DNAJC8: variants seen among roughly 807,000 people sequenced by gnomAD.
DNAJC8 encodes the protein dnaJ homolog subfamily C member 8.
In DNAJC8, 24 loss-of-function variants were observed where a neutral mutation model predicts 43.2. The observed-to-expected ratio is 0.56, with a 90% CI of 0.40 to 0.78. DNAJC8 has a LOEUF of 0.78. Among genes scored for constraint, DNAJC8 ranks in the 30% least tolerant of loss-of-function variants. DNAJC8 has a pLI of 0.00. For synonymous variants in DNAJC8, 83 were observed against 98.0 expected, an observed-to-expected ratio of 0.85 and a Z score of 0.90; for missense variants, 207 against 299.4, an observed-to-expected ratio of 0.69 and a Z score of 2.28.
chr1:28,206,565 G>A (rs755942681), intron 6 of DNAJC8, among the ~76,000 whole-genome samples: 10 of 152,228 alleles, frequency 6.6e-5, no homozygotes, highest in Non-Finnish European at 1.3e-4. Context: ...ATAAGTGAAC[G>A]TAAGTGACCC....
intron 6 of DNAJC8, among the ~76,000 whole-genome samples, chr1:28,206,729 C>T (rs1347558035): frequency 6.6e-6 from 1 of 152,104 alleles, no homozygotes; most frequent in African/African-American, 2.4e-5. Context: ...CATGGAAGTA[C>T]AAAAGTAATC....
At chr1:28,205,426 G>C (rs1646762189) in intron 6 of DNAJC8, 77 bp from the exon 7 acceptor site, 10 of 1,104,396 alleles carry the variant, frequency 9.1e-6, no homozygotes, top group Non-Finnish European at 1.3e-5. Context: ...CTTTCACCTG[G>C]AGTCCAAGAT....
Position 28,229,049 on chromosome 1 carries a change from C to T in DNAJC8, c.79-26G>A, listed in dbSNP as rs754000360. 10 of 1,571,942 alleles carry T rather than the reference C, an allele frequency of 6.4e-6. No homozygotes were observed. In the East Asian group the frequency reaches 2.2e-4, roughly 35 times the overall value. ...CTAAAATTATGAGGATTAAAAACTT[C>T]ATTAATAGAATTCAATAACAAACTG... On this transcript the variant is annotated intron_variant, in intron 1 of 8. Transcript: ENST00000263697.
chr1:28,217,570 T>A (rs570389755), intron 2 of DNAJC8, among the ~76,000 whole-genome samples: 1 of 152,136 alleles, frequency 6.6e-6, no homozygotes, highest in African/African-American at 2.4e-5. Context: ...AGTCACTCAA[T>A]AGGAAGAGCG....
chr1:28,202,436 C>G (rs918114992), intron 8 of DNAJC8, among the ~76,000 whole-genome samples: 3 of 151,798 alleles, frequency 2.0e-5, no homozygotes, highest in African/African-American at 7.3e-5. Flanking sequence ...CCCGCCACCA[C>G]GCCCGGCTAA....
At chr1:28,215,536 C>T (rs926749870) in intron 2 of DNAJC8, among the ~76,000 whole-genome samples, 2 of 150,336 alleles carry the variant, frequency 1.3e-5, no homozygotes, top group African/African-American at 2.5e-5. Flanking sequence ...GGAGGAACAA[C>T]TCTATTTTTT....
intron 6 of DNAJC8, among the ~76,000 whole-genome samples, chr1:28,207,274 A>C (rs1265215095): frequency 6.6e-6 from 1 of 151,990 alleles, no homozygotes; most frequent in Non-Finnish European, 1.5e-5. Context: ...GCTACTCAGG[A>C]GGCTAAGGCA....
chr1:28,218,223 G>A (rs1646873854), intron 2 of DNAJC8, among the ~76,000 whole-genome samples: 1 of 151,226 alleles, frequency 6.6e-6, no homozygotes, highest in African/African-American at 2.4e-5. Flanking sequence ...AGCCTCCTGA[G>A]TAGCTGGAAT....
At chr1:28,212,573 T>G (rs1233051257) in intron 3 of DNAJC8, among the ~76,000 whole-genome samples, 1 of 151,974 alleles carries the variant, frequency 6.6e-6, no homozygotes, top group Non-Finnish European at 1.5e-5. Context: ...TGAGCCACTA[T>G]GCTTGTCCAT....
intron 2 of DNAJC8, among the ~76,000 whole-genome samples, chr1:28,228,210 A>G (rs1374596859): frequency 6.6e-6 from 1 of 151,976 alleles, no homozygotes; most frequent in Non-Finnish European, 1.5e-5. Context: ...TTAGCCAGGC[A>G]CAGTGGTGGG....
intron 2 of DNAJC8, among the ~76,000 whole-genome samples, chr1:28,223,077 C>G (rs6681917): frequency 0.062 from 9,361 of 152,116 alleles, 321 homozygotes; most frequent in Middle Eastern, 0.092. Context: ...CCACAAAGGG[C>G]AGCCAAGCAT....
chr1:28,201,441 C>T (rs998705480), intron 8 of DNAJC8, 71 bp from the exon 9 acceptor site: 64 of 1,600,898 alleles, frequency 4.0e-5, no homozygotes, highest in Non-Finnish European at 5.1e-5. Flanking sequence ...GGTCTGCCAT[C>T]CACTCACCCT....
chr1:28,206,747 C>T (rs886835147), intron 6 of DNAJC8, among the ~76,000 whole-genome samples: 3 of 152,144 alleles, frequency 2.0e-5, no homozygotes, highest in Non-Finnish European at 4.4e-5. Flanking sequence ...ATCTGTCATG[C>T]ATATTTAATA....
At chr1:28,221,513 A>T (rs1380820766) in intron 2 of DNAJC8, among the ~76,000 whole-genome samples, 1 of 152,118 alleles carries the variant, frequency 6.6e-6, no homozygotes, top group Non-Finnish European at 1.5e-5. Context: ...CACTTTCAGA[A>T]CTACAATAAC....
Position 28,206,379 on chromosome 1 carries a change from C to T in DNAJC8, c.472-1030G>A, listed in dbSNP as rs1646768479. The stretch of plus-strand genomic sequence containing the variant: ...GATCCTCCTACTTCAGCCCCCAAAG[C>T]ACTTGGATTATAGGTATGAGCCACC... On this transcript the variant is annotated intron_variant, in intron 6 of 8. Coordinates refer to ENST00000263697, the MANE Select transcript of DNAJC8 (RefSeq NM_014280.3). Among the ~76,000 whole-genome samples the T allele has an allele frequency of 2.6e-5, 4 of 151,796 alleles. No individual in the cohort carries two copies. The South Asian group carries it at 8.4e-4, about 32-fold the overall frequency.
chr1:28,203,962 G>T lies in DNAJC8; in HGVS notation c.564-140C>A, dbSNP rs1646753103. ...TCTACAAAGATGGCTGTCTGGAAAG[G>T]GCTCATAGCATTTTCATGAATGTCT... On this transcript the variant is annotated intron_variant, in intron 7 of 8. Coordinates refer to ENST00000263697, the MANE Select transcript of DNAJC8 (RefSeq NM_014280.3). The T allele has an allele frequency of 6.3e-6, 5 of 789,598 alleles. No individual in the cohort carries two copies. The Admixed American group carries it at 9.5e-5, about 15-fold the overall frequency. The allele number at this position is 789,598 out of a possible 1,614,324, so 48.9% of individuals were successfully genotyped here. A position where few individuals can be genotyped will look rare whatever the true frequency, so the allele number is the denominator to read the frequency against.
intron 5 of DNAJC8, among the ~76,000 whole-genome samples, chr1:28,209,493 C>A (rs1646794549): frequency 1.3e-5 from 2 of 152,168 alleles, no homozygotes; most frequent in Non-Finnish European, 2.9e-5. Context: ...CAGTTTCCTT[C>A]AACTGAGTTC....
intron 2 of DNAJC8, among the ~76,000 whole-genome samples, chr1:28,226,566 A>G (rs1284371390): frequency 1.3e-5 from 2 of 151,352 alleles, no homozygotes; most frequent in African/African-American, 2.4e-5. Context: ...GATTAAATAA[A>G]TTATATGGAA....
Position 28,219,153 on chromosome 1 carries a change from T to C in DNAJC8, c.181-4157A>G, listed in dbSNP as rs1572066839. 3.3e-5 allele frequency among the ~76,000 whole-genome samples: 5 copies of C among 152,170 alleles called. 1 individual carries two copies. The highest frequency in any genetic ancestry group is 3.3e-4 in the Admixed American group (5 of 15,276). Reference sequence around the variant, plus strand: ...CTGTGTGTATTTGGGGATTACAACATGATGTTATGGGATATATACAGACAG... The same window carrying C: ...CTGTGTGTATTTGGGGATTACAACACGATGTTATGGGATATATACAGACAG... On this transcript the variant is annotated intron_variant, in intron 2 of 8. Coordinates refer to ENST00000263697, the MANE Select transcript of DNAJC8 (RefSeq NM_014280.3).
Sources: gnomAD v4.1 joint callset for allele counts (sites outside exome capture counted in the v4.1 genomes callset) on GRCh38, gnomAD v4.1.1 for gene constraint, MANE v1.5 for transcripts, NCBI Gene and HGNC (gene_info 2026-07-23, HGNC 2026-07-21) for gene names.